Variants in TRIQK observed in about 807,000 individuals in gnomAD.
TRIQK encodes the protein triple QxxK/R motif containing.
A neutral mutation model predicts 10.8 loss-of-function variants in TRIQK; 10 were observed. The ratio of observed to expected loss-of-function variants is 0.92; its 90% CI spans 0.57 to 1.57. The LOEUF (loss-of-function observed/expected upper bound fraction) is 1.57. TRIQK is among the 40% of genes most tolerant of loss of function. The probability of loss-of-function intolerance (pLI) is 0.00; values close to 1 mark genes in which losing one functional copy is unlikely to be tolerated. For synonymous variants in TRIQK, 33 were observed against 33.7 expected (o/e 0.98, Z 0.07); for missense variants, 107 against 97.7 (o/e 1.09, Z -0.40).
At chr8:92,891,890 G>T in intron 4 of TRIQK, 99 bp downstream of exon 4, 2 of 850,902 alleles carry the variant, frequency 2.4e-6, no homozygotes, top group Non-Finnish European at 1.7e-6. Flanking sequence ...ATTGTGAAAT[G>T]TCATAAAACA....
chr8:92,935,303 C>T (rs958998003), intron 2 of TRIQK, among the ~76,000 whole-genome samples: 1 of 151,654 alleles, frequency 6.6e-6, no homozygotes, highest in Non-Finnish European at 1.5e-5. Context: ...TTGTGAACTA[C>T]AAATATTAAA....
At chr8:92,933,533 C>T (rs1810836368) in intron 2 of TRIQK, among the ~76,000 whole-genome samples, 1 of 152,054 alleles carries the variant, frequency 6.6e-6, no homozygotes, top group South Asian at 2.1e-4. Context: ...CCAACCACAC[C>T]TACTGCTGAA....
chr8:93,011,308 C>T (rs576771415), intron 1 of TRIQK, among the ~76,000 whole-genome samples: 1 of 151,940 alleles, frequency 6.6e-6, no homozygotes, highest in East Asian at 1.9e-4. Context: ...GATCTCACTA[C>T]ACAGAAATGA....
chr8:92,900,888 C>T (rs568014776), intron 3 of TRIQK, among the ~76,000 whole-genome samples: 8 of 152,098 alleles, frequency 5.3e-5, no homozygotes, highest in African/African-American at 1.9e-4. Flanking sequence ...AATATTTTCC[C>T]ATTTTTTTGT....
chr8:92,960,537 A>G (rs1812404682), intron 1 of TRIQK: 1 of 152,214 alleles, frequency 6.6e-6, no homozygotes, highest in Admixed American at 6.5e-5. Context: ...ACATGATTCA[A>G]TGAAGAACCT....
chr8:92,884,885 T>A lies in TRIQK; in HGVS notation c.*1737A>T, dbSNP rs1188279511. ...GCAGTATTTCTTGACATGTGGCATGTCACTCAGGAAAGTAAAAGGCCCATC... is the reference window on the plus strand; with the variant it reads ...GCAGTATTTCTTGACATGTGGCATGACACTCAGGAAAGTAAAAGGCCCATC... On this transcript the variant is annotated 3_prime_UTR_variant, in exon 5 of 5. Coordinates refer to ENST00000521988, the MANE Select transcript of TRIQK (RefSeq NM_001171797.2). 8.8e-6 allele frequency: 4 copies of A among 456,108 alleles called. No individual in the cohort carries two copies. The Admixed American group carries it at 9.4e-5, about 11-fold the overall frequency. The allele number at this position is 456,108 out of a possible 1,614,324, so 28.3% of individuals were successfully genotyped here.
chr8:92,975,935 AAT>A (rs1812927268), intron 1 of TRIQK, among the ~76,000 whole-genome samples: 1 of 151,958 alleles, frequency 6.6e-6, no homozygotes, highest in South Asian at 2.1e-4. Context: ...GGTTACTTAG[AAT>A]ATGTTATTTA....
intron 2 of TRIQK, among the ~76,000 whole-genome samples, chr8:92,917,926 C>A (rs763759568): frequency 5.3e-5 from 8 of 152,016 alleles, no homozygotes; most frequent in Non-Finnish European, 1.0e-4. Flanking sequence ...CTACTCTCTA[C>A]CTCCATGAGA....
chr8:92,973,570 A>C (rs938253531), intron 1 of TRIQK: 1 of 152,144 alleles, frequency 6.6e-6, no homozygotes, highest in Non-Finnish European at 1.5e-5. Flanking sequence ...TTTAGCTTGC[A>C]CTGATATCAT....
chr8:92,980,629 A>G lies in TRIQK; in HGVS notation c.-180-26065T>C, dbSNP rs559203816. Among the ~76,000 whole-genome samples the G allele has an allele frequency of 3.9e-5, 6 of 152,136 alleles. No homozygotes were observed. In the East Asian group the frequency reaches 1.2e-3, roughly 29 times the overall value. ...AGTTATTCTACTATCACATGAACAGACTTAGAAATGCATACTTTCCTAGAA... is the reference window on the plus strand; with the variant it reads ...AGTTATTCTACTATCACATGAACAGGCTTAGAAATGCATACTTTCCTAGAA... On this transcript the variant is annotated intron_variant, in intron 1 of 4. Coordinates refer to the TRIQK transcript ENST00000520686.
intron 2 of TRIQK, chr8:92,926,314 A>G (rs989618556): frequency 9.2e-5 from 14 of 152,054 alleles, no homozygotes; most frequent in African/African-American, 3.1e-4. Flanking sequence ...GGTGACCTCT[A>G]CTCCCTTGAA....
At chr8:92,916,665 G>T (rs1352623701) in intron 3 of TRIQK, among the ~76,000 whole-genome samples, 1 of 151,824 alleles carries the variant, frequency 6.6e-6, no homozygotes, top group Middle Eastern at 3.2e-3. Context: ...AAAGCATTCA[G>T]CCTAAAGAAT....
chr8:92,919,941 C>T (rs1490276166), intron 2 of TRIQK, among the ~76,000 whole-genome samples: 1 of 151,682 alleles, frequency 6.6e-6, no homozygotes, highest in African/African-American at 2.4e-5. Context: ...TCTTAGTAGT[C>T]GCTAATGATC....
At chr8:92,934,822 T>A (rs1228048193) in intron 2 of TRIQK, among the ~76,000 whole-genome samples, 1 of 151,832 alleles carries the variant, frequency 6.6e-6, no homozygotes, top group Non-Finnish European at 1.5e-5. Flanking sequence ...AATAAAGATT[T>A]TTGAGCTTAA....
chr8:92,890,734 T>A (rs1476495368), intron 4 of TRIQK, among the ~76,000 whole-genome samples: 1 of 151,826 alleles, frequency 6.6e-6, no homozygotes, highest in Non-Finnish European at 1.5e-5. Context: ...ACAAACAAAC[T>A]AATTAAAACA....
intron 3 of TRIQK, among the ~76,000 whole-genome samples, chr8:92,897,875 G>A (rs1401600890): frequency 6.6e-6 from 1 of 151,904 alleles, no homozygotes; most frequent in Non-Finnish European, 1.5e-5. Context: ...TTATAGTTAT[G>A]CCTTAGCCTT....
chr8:92,890,285 T>C (rs1325505887), intron 4 of TRIQK, among the ~76,000 whole-genome samples: 2 of 151,736 alleles, frequency 1.3e-5, no homozygotes. Context: ...TCCACATAAA[T>C]TGTCAAGCAA....
intron 2 of TRIQK, among the ~76,000 whole-genome samples, chr8:92,949,625 G>GAGGA (rs753433795): frequency 7.4e-6 from 1 of 135,244 alleles, no homozygotes; most frequent in African/African-American, 2.8e-5. Context: ...GGGAGGGAGG[G>GAGGA]AGGAAGGAAG....
intron 2 of TRIQK, among the ~76,000 whole-genome samples, chr8:92,925,799 TC>T (rs1810416510): frequency 6.6e-6 from 1 of 152,222 alleles, no homozygotes; most frequent in Non-Finnish European, 1.5e-5. Context: ...AATTGACTGT[TC>T]CTACAAAGTT....
Sources: allele counts gnomAD v4.1 joint callset (sites outside exome capture counted in the v4.1 genomes callset), GRCh38; gene constraint gnomAD v4.1.1; transcripts MANE v1.5; gene names NCBI Gene and HGNC (gene_info 2026-07-23, HGNC 2026-07-21).